The following CAPN7 variants were observed in gnomAD, a reference collection of about 807,000 sequenced individuals.
CAPN7 encodes the protein calpain-7.
In CAPN7, 72 loss-of-function variants were observed where a neutral mutation model predicts 115.2. That is an observed-to-expected ratio of 0.63 (90% confidence interval 0.52 to 0.76). The LOEUF is 0.76. Among genes scored for constraint, CAPN7 ranks in the 30% least tolerant of loss-of-function variants. The pLI is 0.00. For missense variants in CAPN7, 905 were observed against 971.5 expected (o/e 0.93, Z 0.91); for synonymous variants, 344 against 322.3 (o/e 1.07, Z -0.72).
intron 12 of CAPN7, among the ~76,000 whole-genome samples, chr3:15,238,271 C>T (rs540962051): frequency 6.6e-6 from 1 of 151,636 alleles, no homozygotes; most frequent in East Asian, 1.9e-4. Flanking sequence ...CCCACCACCA[C>T]GCCCGGCCAA....
At chr3:15,218,588 A>C (rs1175935136) in intron 4 of CAPN7, 48 bp downstream of exon 4, 1 of 1,254,788 alleles carries the variant, frequency 8.0e-7, no homozygotes, top group Non-Finnish European at 1.2e-6. Context: ...ACTTAGTGTT[A>C]TTTAAACAAA....
At chr3:15,235,274 T>C in intron 12 of CAPN7, 129 bp downstream of exon 12, 1 of 748,792 alleles carries the variant, frequency 1.3e-6, no homozygotes, top group Non-Finnish European at 2.1e-6. Context: ...CCATTTCACC[T>C]ACATTAACTT....
intron 7 of CAPN7, 102 bp from the exon 8 acceptor site, chr3:15,228,872 T>C: frequency 1.2e-6 from 1 of 821,860 alleles, no homozygotes; most frequent in Non-Finnish European, 2.0e-6. Context: ...TAAGAAAAGA[T>C]ATTTAGTATA....
Position 15,252,015 on chromosome 3 carries a change from T to C in CAPN7, c.*755T>C. 1 of 152,646 alleles carries C rather than the reference T, an allele frequency of 6.6e-6. No homozygotes were observed. 9.5% of individuals were successfully genotyped at this position (152,646 alleles called of 1,614,324 possible). The stretch of plus-strand genomic sequence containing the variant: ...ACAATTTAGTTTGTGTGGTCTTTTT[T>C]TAAATTGCTGTATCGTTCAGTCTCT... On this transcript the variant is annotated 3_prime_UTR_variant, in exon 21 of 21. Coordinates refer to ENST00000253693, the MANE Select transcript of CAPN7 (RefSeq NM_014296.3).
At chr3:15,230,890 AT>A (rs1191765781) in intron 9 of CAPN7, among the ~76,000 whole-genome samples, 8 of 152,224 alleles carry the variant, frequency 5.3e-5, no homozygotes, top group Admixed American at 4.6e-4. Flanking sequence ...AAGAGTGTAT[AT>A]GTAGTCATAA....
chr3:15,238,643 A>G (rs767043914), intron 12 of CAPN7, among the ~76,000 whole-genome samples: 47 of 151,928 alleles, frequency 3.1e-4, no homozygotes, highest in Non-Finnish European at 4.7e-4. Context: ...CAAGGTCTTC[A>G]TTTTAGTCTC....
intron 16 of CAPN7, among the ~76,000 whole-genome samples, chr3:15,244,622 C>G (rs1181948713): frequency 6.6e-6 from 1 of 152,262 alleles, no homozygotes; most frequent in East Asian, 1.9e-4. Flanking sequence ...AAATATTCAG[C>G]GTTCCTAAAT....
At chr3:15,237,060 A>G (rs1184061390) in intron 12 of CAPN7, among the ~76,000 whole-genome samples, 1 of 152,240 alleles carries the variant, frequency 6.6e-6, no homozygotes, top group Admixed American at 6.5e-5. Context: ...TGTTATTAAT[A>G]AGTTCTGATT....
Position 15,233,915 on chromosome 3 carries a change from A to G in CAPN7, c.1228A>G (p.Met410Val), listed in dbSNP as rs1363266253. 9 of 1,607,676 alleles carry G rather than the reference A, an allele frequency of 5.6e-6. No individual in the cohort carries two copies. The highest frequency in any genetic ancestry group is 2.2e-5 in the East Asian group (1 of 44,724). The change falls in exon 11 of 21, where the codon ATG becomes GTG. Residue 410 changes from methionine (M) to valine (V), a missense_variant. Around this residue, in one of 3 missense-constraint regions of CAPN7, gnomAD observed 620 missense variants for 703.4 expected, o/e 0.88. Transcript: ENST00000253693. ...LTGWIPERIA[M>V]HSDSQTFSKD... ...TGGCTGGATACCAGAAAGAATTGCT[A>G]TGCATTCAGATAGCCAAACTTTCAG...
chr3:15,220,888 A>G lies in CAPN7; in HGVS notation c.545A>G (p.Asn182Ser), dbSNP rs749103881. ...PVRAHFPLGANPFLERPQSFI... is the reference protein window; with the variant it reads ...PVRAHFPLGASPFLERPQSFI... ...AGAGCACATTTTCCACTGGGCGCTA[A>G]TCCCTTCCTTGAAAGACCTCAGTCA... is the stretch of plus-strand genomic sequence containing the variant. Residue 182 changes from asparagine (N) to serine (S), a missense_variant, in exon 5 of 21, where the codon AAT (asparagine) becomes AGT (serine). This residue lies in a region of CAPN7 where 271 missense variants were observed against 239.6 expected (regional missense o/e 1.13). Coordinates refer to ENST00000253693, the MANE Select transcript of CAPN7 (RefSeq NM_014296.3). 6.2e-7 allele frequency: 1 copy of G among 1,614,218 alleles called. No homozygotes were observed. The highest frequency in any genetic ancestry group is 8.5e-7 in the Non-Finnish European group (1 of 1,180,028).
At chr3:15,234,978 T>G in intron 11 of CAPN7, 47 bp from the exon 12 acceptor site, 1 of 1,553,698 alleles carries the variant, frequency 6.4e-7, no homozygotes, top group Non-Finnish European at 8.8e-7. Context: ...GATCTTAGAT[T>G]ACAAATGTGT....
chr3:15,243,074 T>G (rs1376900256), intron 16 of CAPN7, among the ~76,000 whole-genome samples: 2 of 152,120 alleles, frequency 1.3e-5, no homozygotes, highest in Non-Finnish European at 2.9e-5. Context: ...AAGACCTCTT[T>G]GAGCAGGGAT....
rs1186696962 is a variant in CAPN7 at position 15,232,453 on chromosome 3, T to C, written c.1033-66T>C. 25 of 1,313,384 alleles carry C rather than the reference T, an allele frequency of 1.9e-5. No individual in the cohort carries two copies. In the Admixed American group the frequency reaches 5.8e-4, roughly 31 times the overall value. The allele number at this position is 1,313,384 out of a possible 1,614,324, so 81.4% of individuals were successfully genotyped here. On this transcript the variant is annotated intron_variant, in intron 9 of 20. Coordinates refer to ENST00000253693, the MANE Select transcript of CAPN7 (RefSeq NM_014296.3). ...TATCAGTATGAAAGGTATGTTTTTA[T>C]TTCTTGATAGAAAGGATTTTAAGAT...
At chr3:15,210,967 G>C (rs906206499) in intron 1 of CAPN7, 3 of 1,134,148 alleles carry the variant, frequency 2.6e-6, no homozygotes, top group Non-Finnish European at 2.2e-6. Flanking sequence ...CTAGGTGGTA[G>C]CATTGGTAAC....
Position 15,242,233 on chromosome 3 carries a change from G to A in CAPN7, c.1844G>A (p.Gly615Glu). 6 of 1,593,850 alleles carry A rather than the reference G, an allele frequency of 3.8e-6. No individual in the cohort carries two copies. The highest frequency in any genetic ancestry group is 2.3e-5 in the South Asian group (2 of 86,408). The change falls in exon 16 of 21, where the codon GGG becomes GAG. Residue 615 changes from glycine to glutamate, a missense_variant. Gly to Glu is a moderately conservative substitution (Grantham distance 98). This residue lies in a region of CAPN7 where 620 missense variants were observed against 703.4 expected (regional missense o/e 0.88). Coordinates refer to ENST00000253693, the MANE Select transcript of CAPN7 (RefSeq NM_014296.3). ...FITMVVYKTD[G>E]KKVYYPADPP... is the part of the protein sequence containing the mutation. ...ACAATGGTTGTATACAAGACTGATG[G>A]GAAAAAAGTTTATTACCCAGGTATG...
At chr3:15,222,988 A>G (rs1035507378) in intron 5 of CAPN7, among the ~76,000 whole-genome samples, 2 of 152,230 alleles carry the variant, frequency 1.3e-5, no homozygotes, top group African/African-American at 4.8e-5. Flanking sequence ...GGAGAATGCA[A>G]AGCTACTACA....
intron 1 of CAPN7, among the ~76,000 whole-genome samples, chr3:15,209,126 T>A (rs970865371): frequency 6.6e-6 from 1 of 152,140 alleles, no homozygotes; most frequent in African/African-American, 2.4e-5. Context: ...TTCTCCTGCC[T>A]CAGCCTCCTG....
intron 13 of CAPN7, 47 bp from the exon 14 acceptor site, chr3:15,240,707 A>G: frequency 6.4e-7 from 1 of 1,562,008 alleles, no homozygotes; most frequent in Non-Finnish European, 8.7e-7. Context: ...GACTTAAATC[A>G]TTTAGCATTA....
chr3:15,237,698 C>T (rs1000237992), intron 12 of CAPN7, among the ~76,000 whole-genome samples: 17 of 152,060 alleles, frequency 1.1e-4, no homozygotes, highest in Admixed American at 2.6e-4. Context: ...GGCTGGGCAC[C>T]GTGGGTCACC....
Sources: allele counts gnomAD v4.1 joint callset (sites outside exome capture counted in the v4.1 genomes callset), GRCh38; gene constraint gnomAD v4.1.1; regional missense constraint gnomAD v4.1.1; transcripts MANE v1.5; gene names NCBI Gene and HGNC (gene_info 2026-07-23, HGNC 2026-07-21).